Variants in PRKN observed in about 807,000 individuals in gnomAD.
PRKN encodes parkin RBR E3 ubiquitin protein ligase, also known as E3 ubiquitin-protein ligase parkin.
A neutral mutation model predicts 59.5 loss-of-function variants in PRKN; 56 were observed. The ratio of observed to expected loss-of-function variants is 0.94; its 90% CI spans 0.76 to 1.18. The LOEUF (loss-of-function observed/expected upper bound fraction) is 1.18. Ranked by LOEUF, PRKN falls within the 50% of genes most tolerant of loss-of-function variation. The pLI, the probability that PRKN is intolerant of heterozygous loss-of-function variation, is 0.00. For synonymous variants in PRKN, 250 were observed against 222.1 expected (o/e 1.13, Z -1.12); for missense variants, 657 against 596.4 (o/e 1.10, Z -1.06).
At chr6:162,477,471 C>T (rs1457186685) in intron 1 of PRKN, among the ~76,000 whole-genome samples, 1 of 152,182 alleles carries the variant, frequency 6.6e-6, no homozygotes, top group Admixed American at 6.5e-5. Flanking sequence ...CAGAATATGT[C>T]CAGAACTACT....
chr6:161,913,480 T>A (rs111467135), intron 6 of PRKN, among the ~76,000 whole-genome samples: 1 of 152,238 alleles, frequency 6.6e-6, no homozygotes, highest in Non-Finnish European at 1.5e-5. Context: ...TACTTGCCTA[T>A]TGGATTGGAA....
chr6:162,600,682 A>G (rs1325903607), intron 1 of PRKN, among the ~76,000 whole-genome samples: 1 of 152,162 alleles, frequency 6.6e-6, no homozygotes, highest in Non-Finnish European at 1.5e-5. Context: ...GTTTAGCACC[A>G]TCCTCTCAGT....
intron 7 of PRKN, among the ~76,000 whole-genome samples, chr6:161,587,910 T>C (rs1781576584): frequency 1.3e-5 from 2 of 152,178 alleles, no homozygotes; most frequent in African/African-American, 2.4e-5. Flanking sequence ...TTTTAGTCTC[T>C]GTTGAGAATT....
intron 1 of PRKN, among the ~76,000 whole-genome samples, chr6:162,620,691 TAACACCC>T (rs1782628041): frequency 6.6e-6 from 1 of 151,722 alleles, no homozygotes; most frequent in Non-Finnish European, 1.5e-5. Context: ...TTTTTTGGGT[TAACACCC>T]AACACATTTG....
chr6:162,007,555 A>G (rs1320436040), intron 5 of PRKN, among the ~76,000 whole-genome samples: 1 of 152,202 alleles, frequency 6.6e-6, no homozygotes, highest in Non-Finnish European at 1.5e-5. Flanking sequence ...AAACTTTAAT[A>G]GGTACCACTT....
At chr6:161,908,210 G>A (rs9365349) in intron 6 of PRKN, among the ~76,000 whole-genome samples, 59,046 of 152,050 alleles carry the variant, frequency 0.39, 11,869 homozygotes, top group Middle Eastern at 0.53. Flanking sequence ...GCTCGGAACC[G>A]TCAATGACCT....
At chr6:161,493,546 G>C (rs1318462198) in intron 9 of PRKN, among the ~76,000 whole-genome samples, 2 of 152,206 alleles carry the variant, frequency 1.3e-5, no homozygotes, top group African/African-American at 4.8e-5. Flanking sequence ...TGGATAGATG[G>C]ACGAACGGAA....
chr6:161,349,835 G>A lies in PRKN; in HGVS notation c.*264C>T, dbSNP rs763420602. ...AACGCCTGTTGGTGGTGTCGCAGAT[G>A]GCTCTGCTGTCTTGTGTGGACAAAC... On this transcript the variant is annotated 3_prime_UTR_variant, in exon 12 of 12. Transcript: ENST00000366898. The surrounding 1 kb of genome is among the most constrained non-coding windows in gnomAD (Gnocchi z 5.5). 38 of 548,062 alleles carry A rather than the reference G, an allele frequency of 6.9e-5. No individual in the cohort carries two copies. Among genetic ancestry groups the A allele is most frequent in the Admixed American group, 4.6e-4 (15 of 32,512 alleles). 33.9% of individuals were successfully genotyped at this position (548,062 alleles called of 1,614,324 possible). A position where few individuals can be genotyped will look rare whatever the true frequency, so the allele number is the denominator to read the frequency against.
At chr6:161,822,568 C>T (rs953903279) in intron 6 of PRKN, among the ~76,000 whole-genome samples, 4 of 152,092 alleles carry the variant, frequency 2.6e-5, no homozygotes, top group Admixed American at 6.6e-5. Context: ...CCCAGCTACG[C>T]GGGAGGCTGA....
chr6:162,181,578 C>T (rs148994372), intron 4 of PRKN, among the ~76,000 whole-genome samples: 39 of 152,156 alleles, frequency 2.6e-4, no homozygotes, highest in African/African-American at 8.2e-4. Flanking sequence ...AATATTGATA[C>T]AGTGTTGTAC....
At chr6:162,673,909 C>A (rs1282585996) in intron 1 of PRKN, among the ~76,000 whole-genome samples, 1 of 152,120 alleles carries the variant, frequency 6.6e-6, no homozygotes, top group East Asian at 1.9e-4. Flanking sequence ...GGAGTCAAAG[C>A]CTGATTTCAC....
intron 7 of PRKN, among the ~76,000 whole-genome samples, chr6:161,728,322 T>A (rs1787535207): frequency 6.6e-6 from 1 of 151,856 alleles, no homozygotes; most frequent in Non-Finnish European, 1.5e-5. Context: ...CCAATAATAG[T>A]GTCTTCTTTA....
At position 161,597,518 on chromosome 6, in the gene PRKN, G is replaced by A. The variant is rs1452760566; in HGVS notation, c.872-28102C>T. Among the ~76,000 whole-genome samples the A allele has an allele frequency of 3.9e-5, 6 of 152,186 alleles. No homozygotes were observed. In the South Asian group the frequency reaches 1.2e-3, roughly 32 times the overall value. Reference sequence around the variant, plus strand: ...TGCAGCCATTCACTTACCCAGGGGTGACAAAACTGGGGACCTTTCTCTCCT... The same window carrying A: ...TGCAGCCATTCACTTACCCAGGGGTAACAAAACTGGGGACCTTTCTCTCCT... On this transcript the variant is annotated intron_variant, in intron 7 of 11. Transcript: ENST00000366898.
intron 1 of PRKN, among the ~76,000 whole-genome samples, chr6:162,467,804 CCT>C (rs71730422): frequency 0.077 from 11,668 of 152,144 alleles, 505 homozygotes; most frequent in African/African-American, 0.1. Flanking sequence ...GCCTCAACCC[CCT>C]GTCACGCTCC....
At chr6:161,605,915 G>A (rs1433228172) in intron 7 of PRKN, among the ~76,000 whole-genome samples, 1 of 152,136 alleles carries the variant, frequency 6.6e-6, no homozygotes, top group South Asian at 2.1e-4. Context: ...GAAAATAGGG[G>A]CTCTACAGCA....
intron 1 of PRKN, among the ~76,000 whole-genome samples, chr6:162,663,981 C>T (rs1778997984): frequency 1.3e-5 from 2 of 151,672 alleles, no homozygotes; most frequent in African/African-American, 4.8e-5. Context: ...CGTTCTGGTA[C>T]ATAGGTATAT....
At chr6:162,060,548 A>G (rs1210698754) in intron 4 of PRKN, among the ~76,000 whole-genome samples, 2 of 152,214 alleles carry the variant, frequency 1.3e-5, no homozygotes, top group African/African-American at 4.8e-5. Flanking sequence ...AAGTTCTAGA[A>G]CTCATAATCT....
Position 161,588,386 on chromosome 6 carries a change from C to CA in PRKN, c.872-18971dup, listed in dbSNP as rs60368817. On this transcript the variant is annotated intron_variant, in intron 7 of 11. Coordinates refer to ENST00000366898, the MANE Select transcript of PRKN (RefSeq NM_004562.3). This position sits in a 1 kb window ranked among gnomAD's most constrained non-coding sequence, Gnocchi z 5.0. ...CAAGAGCGAAACTCTGTCCCCTCGCCAAAAAAAAAAAATTTACTCTATGGG... is the reference window on the plus strand; with the variant it reads ...CAAGAGCGAAACTCTGTCCCCTCGCCAAAAAAAAAAAAATTTACTCTATGGG... 1.4e-3 allele frequency among the ~76,000 whole-genome samples: 215 copies of CA among 148,628 alleles called. 1 individual carries two copies. Among genetic ancestry groups the CA allele is most frequent in the Middle Eastern group, 6.9e-3 (2 of 290 alleles).
At position 161,573,757 on chromosome 6, in the gene PRKN, TATATATATATATATATA is replaced by T. The variant is rs1397098676; in HGVS notation, c.872-4358_872-4342del. On this transcript the variant is annotated intron_variant, in intron 7 of 11. Transcript: ENST00000366898. Reference sequence around the variant, plus strand: ...AAAAAAAAAAAAAAAAAAAAAAAAATATATATATATATATATATATATATATATATATATATATAAAA... The same window carrying T: ...AAAAAAAAAAAAAAAAAAAAAAAAATTATATATATATATATATATATAAAA... 4.7e-4 allele frequency among the ~76,000 whole-genome samples: 21 copies of T among 44,938 alleles called. 1 individual carries two copies. The highest frequency in any genetic ancestry group is 8.2e-4 in the African/African-American group (8 of 9,784). The allele number at this position is 44,938 out of a possible 152,430, so 29.5% of individuals were successfully genotyped here.
Sources: allele counts gnomAD v4.1 joint callset (sites outside exome capture counted in the v4.1 genomes callset), GRCh38; gene constraint gnomAD v4.1.1; non-coding constraint Gnocchi (gnomAD v3.1); transcripts MANE v1.5; gene names NCBI Gene and HGNC (gene_info 2026-07-23, HGNC 2026-07-21).